CACNA1S: variants seen among roughly 807,000 people sequenced by gnomAD.
CACNA1S encodes the protein calcium voltage-gated channel subunit alpha1 S.
Under a neutral mutation model 207.4 loss-of-function variants are expected in CACNA1S, and 126 were observed. The observed-to-expected ratio is 0.61, with a 90% CI of 0.53 to 0.70. The LOEUF (loss-of-function observed/expected upper bound fraction) is 0.70. Ranked by LOEUF, CACNA1S falls within the 30% of genes least tolerant of loss-of-function variation. CACNA1S has a pLI of 0.00. For synonymous variants in CACNA1S, 960 were observed against 932.7 expected, an observed-to-expected ratio of 1.03 and a Z score of -0.53; for missense variants, 2,349 against 2,422.8, an observed-to-expected ratio of 0.97 and a Z score of 0.64.
chr1:201,055,344 T>C (rs1378837365), intron 28 of CACNA1S, among the ~76,000 whole-genome samples: 1 of 152,214 alleles, frequency 6.6e-6, no homozygotes, highest in East Asian at 1.9e-4. Flanking sequence ...CCTGGCTGTA[T>C]GTCAGAATCA....
At chr1:201,087,732 T>G in intron 7 of CACNA1S, 94 bp downstream of exon 7, 16 of 490,860 alleles carry the variant, frequency 3.3e-5, no homozygotes, top group Non-Finnish European at 2.4e-5. Flanking sequence ...CCCCCACCCC[T>G]CCTGTTTCTT....
Position 201,087,904 on chromosome 1 carries a change from C to T in CACNA1S, c.926G>A (p.Trp309Ter). 1.2e-6 allele frequency: 2 copies of T among 1,613,286 alleles called. No individual in the cohort carries two copies. Among genetic ancestry groups the T allele is most frequent in the Non-Finnish European group, 1.7e-6 (2 of 1,179,388 alleles). ...GAGGGTGACAAAATAGATCCAGGGC[C>T]ACTCATTCCCGATGGCATCATTGAC... ...YWVNDAIGNE[W>*]PWIYFVTLIL... Residue 309 changes from tryptophan (W) to a stop codon, truncating the protein, a stop_gained, in exon 7 of 44, where the codon TGG (tryptophan) becomes TAG (stop). Coordinates refer to ENST00000362061, the MANE Select transcript of CACNA1S (RefSeq NM_000069.3). LOFTEE classifies it high-confidence loss of function.
chr1:201,061,897 C>T (rs765477228), intron 24 of CACNA1S, 47 bp downstream of exon 24: 1 of 1,610,490 alleles, frequency 6.2e-7, no homozygotes, highest in Non-Finnish European at 8.5e-7. Flanking sequence ...CTGCCTGGTC[C>T]TACCTGACCA....
intron 27 of CACNA1S, 79 bp from the exon 28 acceptor site, chr1:201,058,570 C>G (rs1660930205): frequency 8.7e-7 from 1 of 1,154,368 alleles, no homozygotes; most frequent in Non-Finnish European, 1.3e-6. Flanking sequence ...AGGACAGTGT[C>G]CCACCCGAGC....
chr1:201,099,251 G>T (rs1662552495), intron 2 of CACNA1S, among the ~76,000 whole-genome samples: 1 of 152,210 alleles, frequency 6.6e-6, no homozygotes, highest in Non-Finnish European at 1.5e-5. Flanking sequence ...TTCTTCCCCT[G>T]CAATCCTACC....
At chr1:201,086,812 T>G (rs1662053096) in intron 7 of CACNA1S, among the ~76,000 whole-genome samples, 1 of 152,272 alleles carries the variant, frequency 6.6e-6, no homozygotes, top group South Asian at 2.1e-4. Context: ...ATGGAGTAGT[T>G]AGTGTAAATA....
At chr1:201,101,266 A>G (rs1442430706) in intron 2 of CACNA1S, among the ~76,000 whole-genome samples, 1 of 152,192 alleles carries the variant, frequency 6.6e-6, no homozygotes, top group East Asian at 1.9e-4. Context: ...GGACCTTTCC[A>G]CACAGGAGGT....
At chr1:201,047,662 C>T (rs1031380123) in intron 36 of CACNA1S, 36 bp from the exon 37 acceptor site, 5 of 1,378,246 alleles carry the variant, frequency 3.6e-6, no homozygotes, top group Non-Finnish European at 5.2e-6. Flanking sequence ...ACCCAGATCA[C>T]ACCAACTGCA....
At chr1:201,102,852 C>T (rs1396338728) in intron 2 of CACNA1S, among the ~76,000 whole-genome samples, 1 of 152,160 alleles carries the variant, frequency 6.6e-6, no homozygotes, top group Non-Finnish European at 1.5e-5. Flanking sequence ...TCAGATCCCG[C>T]CCTCAATCCA....
chr1:201,078,342 G>A (rs1661709747), intron 10 of CACNA1S, among the ~76,000 whole-genome samples: 2 of 151,878 alleles, frequency 1.3e-5, no homozygotes, highest in Admixed American at 6.6e-5. Context: ...CCCACTACCG[G>A]CATGCACCAC....
At chr1:201,051,990 G>T (rs1660670061) in intron 32 of CACNA1S, among the ~76,000 whole-genome samples, 1 of 152,178 alleles carries the variant, frequency 6.6e-6, no homozygotes, top group Non-Finnish European at 1.5e-5. Context: ...GGGTGTGGGT[G>T]TCCCTAGGCC....
At chr1:201,040,418 G>T in intron 42 of CACNA1S, 44 bp from the exon 43 acceptor site, 1 of 1,607,782 alleles carries the variant, frequency 6.2e-7, no homozygotes. Flanking sequence ...AGGGGTGCTG[G>T]AGCCCACCAA....
chr1:201,087,422 C>T (rs1662069522), intron 7 of CACNA1S, among the ~76,000 whole-genome samples: 2 of 152,022 alleles, frequency 1.3e-5, no homozygotes, highest in Non-Finnish European at 1.5e-5. Context: ...TGCTAAGGCT[C>T]CACTTAGGCA....
chr1:201,110,970 G>C (rs1016664098), intron 1 of CACNA1S, among the ~76,000 whole-genome samples: 1 of 152,186 alleles, frequency 6.6e-6, no homozygotes, highest in Non-Finnish European at 1.5e-5. Context: ...GGGTGGATGG[G>C]GAGGCATATT....
chr1:201,040,763 G>A (rs776163458), intron 41 of CACNA1S, 50 bp from the exon 42 acceptor site: 49 of 1,464,916 alleles, frequency 3.3e-5, no homozygotes, highest in Non-Finnish European at 4.7e-5. Flanking sequence ...CTCCTGCCAG[G>A]AGCCCTGAGT....
At chr1:201,104,836 T>C (rs563737142) in intron 2 of CACNA1S, among the ~76,000 whole-genome samples, 8 of 152,240 alleles carry the variant, frequency 5.3e-5, no homozygotes, top group African/African-American at 1.9e-4. Context: ...GCTGGAATGG[T>C]AACCCTGCCC....
intron 3 of CACNA1S, among the ~76,000 whole-genome samples, chr1:201,093,424 C>A (rs1161614730): frequency 6.6e-6 from 1 of 152,194 alleles, no homozygotes; most frequent in Non-Finnish European, 1.5e-5. Flanking sequence ...GTTTCAGCTT[C>A]CCAATCTGTG....
chr1:201,066,464 C>T lies in CACNA1S; in HGVS notation c.2658-148G>A, dbSNP rs980340719. On this transcript the variant is annotated intron_variant, in intron 20 of 43. Coordinates refer to ENST00000362061, the MANE Select transcript of CACNA1S (RefSeq NM_000069.3). This position sits in a 1 kb window ranked among gnomAD's most constrained non-coding sequence, Gnocchi z 4.3. ...ACCTTCCCCTTCCCTTTCCTCCAGC[C>T]GTGAGAGTGTGCCCGACTCCAGGGC... 10 of 723,050 alleles carry T rather than the reference C, an allele frequency of 1.4e-5. No homozygotes were observed. The highest frequency in any genetic ancestry group is 1.0e-4 in the African/African-American group (6 of 57,710). 44.8% of individuals were successfully genotyped at this position (723,050 alleles called of 1,614,324 possible).
chr1:201,068,522 C>T lies in CACNA1S; in HGVS notation c.2550+615G>A, dbSNP rs532681756. Among the ~76,000 whole-genome samples, 54 of 148,666 alleles carry T rather than the reference C, an allele frequency of 3.6e-4. No homozygotes were observed. The Middle Eastern group carries it at 0.01, about 28-fold the overall frequency. Reference sequence around the variant, plus strand: ...CCTCCCAAAGTGCTGGGATTACAGGCGTGAGCCACTGCGCCCGGCCACCAG... The same window carrying T: ...CCTCCCAAAGTGCTGGGATTACAGGTGTGAGCCACTGCGCCCGGCCACCAG... On this transcript the variant is annotated intron_variant, in intron 19 of 43. Coordinates refer to ENST00000362061, the MANE Select transcript of CACNA1S (RefSeq NM_000069.3).
Sources: gnomAD v4.1 joint callset for allele counts (sites outside exome capture counted in the v4.1 genomes callset) on GRCh38, gnomAD v4.1.1 for gene constraint, Gnocchi (gnomAD v3.1) non-coding constraint, MANE v1.5 for transcripts, NCBI Gene and HGNC (gene_info 2026-07-23, HGNC 2026-07-21) for gene names.